The following PCDH19 variants were observed in gnomAD, a reference collection of about 807,000 sequenced individuals.
PCDH19 encodes the protein protocadherin-19.
In PCDH19, 6 loss-of-function variants were observed where a neutral mutation model predicts 46.2. The observed-to-expected ratio is 0.13, with a 90% CI of 0.07 to 0.26. The LOEUF (loss-of-function observed/expected upper bound fraction) is 0.26, where lower values mean the gene tolerates loss of function less well. PCDH19 is among the 10% of genes least tolerant of loss of function. The pLI, the probability that PCDH19 is intolerant of heterozygous loss-of-function variation, is 1.00. For synonymous variants in PCDH19, 481 were observed against 415.7 expected (o/e 1.16, Z -1.91); for missense variants, 740 against 972.3 (o/e 0.76, Z 3.18).
At chrX:100,314,352 C>T (rs1312576030) in intron 5 of PCDH19, among the ~76,000 whole-genome samples, 2 of 111,721 alleles carry the variant, frequency 1.8e-5, no homozygotes, top group Non-Finnish European at 3.8e-5. Flanking sequence ...AGATTGATAC[C>T]AAGAGCTTGC....
intron 2 of PCDH19, among the ~76,000 whole-genome samples, chrX:100,403,152 T>C (rs1928244951): frequency 9.0e-6 from 1 of 111,486 alleles, no homozygotes; most frequent in Non-Finnish European, 1.9e-5. Flanking sequence ...ACAGGGAAAG[T>C]TGAGCCTATG....
intron 3 of PCDH19, among the ~76,000 whole-genome samples, chrX:100,360,958 T>C (rs1926863234): frequency 8.9e-6 from 1 of 112,120 alleles, no homozygotes; most frequent in African/African-American, 3.2e-5. Flanking sequence ...CTTCTCATTT[T>C]ATTTGGGAAG....
intron 5 of PCDH19, among the ~76,000 whole-genome samples, chrX:100,299,002 T>C (rs2088883178): frequency 9.0e-6 from 1 of 111,558 alleles, no homozygotes; most frequent in Non-Finnish European, 1.9e-5. Context: ...ATAATACCTC[T>C]AAAAAATTAG....
intron 4 of PCDH19, among the ~76,000 whole-genome samples, chrX:100,348,527 C>G (rs1490235398): frequency 8.1e-5 from 9 of 111,351 alleles, no homozygotes; most frequent in African/African-American, 2.9e-4. Context: ...TGCATGTGTC[C>G]CTGAGTTTTC....
Position 100,407,477 on chromosome X carries a change from G to C in PCDH19, c.1121C>G (p.Ser374Cys). 8.3e-7 allele frequency: 1 copy of C among 1,211,845 alleles called. No homozygotes were observed. Among genetic ancestry groups the C allele is most frequent in the East Asian group, 3.0e-5 (1 of 33,843 alleles). ...TCCATTGAGGCCTGAGTCGCGATCA[G>C]ACACCCGCACCAAGGCGATCACGTA... Reference protein sequence around the residue: ...PGYVIALVRVSDRDSGLNGRV... With the variant: ...PGYVIALVRVCDRDSGLNGRV... The change falls in exon 1 of 6, where the codon TCT (serine) becomes TGT (cysteine). Residue 374 changes from serine (S) to cysteine (C), a missense_variant. Ser to Cys is a moderately radical substitution (Grantham distance 112). This residue lies in a region of PCDH19 where 186 missense variants were observed against 319.9 expected (regional missense o/e 0.58). Coordinates refer to ENST00000373034, the MANE Select transcript of PCDH19 (RefSeq NM_001184880.2).
chrX:100,324,033 T>TA (rs1925603033), intron 5 of PCDH19, among the ~76,000 whole-genome samples: 1 of 111,930 alleles, frequency 8.9e-6, no homozygotes, highest in Non-Finnish European at 1.9e-5. Flanking sequence ...CTTACAGTGT[T>TA]AAGAGTTTAA....
Position 100,373,708 on chromosome X carries a change from T to C in PCDH19, c.2617-23004A>G, listed in dbSNP as rs772866914. Among the ~76,000 whole-genome samples the C allele has an allele frequency of 6.3e-5, 7 of 110,996 alleles. 1 individual carries two copies. The highest frequency in any genetic ancestry group is 2.9e-4 in the Admixed American group (3 of 10,441). ...TTGGAAAACCTCAGAGGGGCAGAAA[T>C]GTGGGTGAGAAAAACTCAGAATTTC... On this transcript the variant is annotated intron_variant, in intron 3 of 5. Coordinates refer to ENST00000373034, the MANE Select transcript of PCDH19 (RefSeq NM_001184880.2).
At chrX:100,379,304 T>TACACAC (rs200896147) in intron 3 of PCDH19, among the ~76,000 whole-genome samples, 30 of 41,603 alleles carry the variant, frequency 7.2e-4, no homozygotes, top group African/African-American at 2.3e-3. Context: ...ATCTGTCACA[T>TACACAC]ACACACACAC....
In PCDH19 at chrX:100,408,120, T is replaced by C; in HGVS notation, c.478A>G (p.Ser160Gly). Residue 160 changes from serine to glycine, a missense_variant, in exon 1 of 6, where the codon AGC becomes GGC. Around this residue, in one of 5 missense-constraint regions of PCDH19, gnomAD observed 48 missense variants for 43.2 expected, o/e 1.11. Transcript: ENST00000373034. Reference protein sequence around the residue: ...LDSAYDPDSGSFGVQTYELTP... With the variant: ...LDSAYDPDSGGFGVQTYELTP... Reference sequence around the variant, plus strand: ...AGCTCGTAAGTCTGCACGCCAAAGCTTCCTGAGTCTGGATCGTAAGCGCTG... The same window carrying C: ...AGCTCGTAAGTCTGCACGCCAAAGCCTCCTGAGTCTGGATCGTAAGCGCTG... 1 of 1,211,274 alleles carries C rather than the reference T, an allele frequency of 8.3e-7. No individual in the cohort carries two copies. The highest frequency in any genetic ancestry group is 1.1e-6 in the Non-Finnish European group (1 of 895,632).
At chrX:100,403,463 CT>C in intron 2 of PCDH19, 60 bp downstream of exon 2, 1 of 1,156,496 alleles carries the variant, frequency 8.6e-7, no homozygotes, top group South Asian at 1.8e-5. Context: ...CCCCGACCCC[CT>C]CCTCTCCTAG....
At chrX:100,357,937 T>C (rs1484963516) in intron 3 of PCDH19, among the ~76,000 whole-genome samples, 1 of 112,070 alleles carries the variant, frequency 8.9e-6, no homozygotes, top group Non-Finnish European at 1.9e-5. Flanking sequence ...AGGCTACTTA[T>C]CACAATTAAG....
At chrX:100,354,269 C>A (rs1926650033) in intron 3 of PCDH19, among the ~76,000 whole-genome samples, 1 of 111,688 alleles carries the variant, frequency 9.0e-6, no homozygotes, top group South Asian at 3.8e-4. Flanking sequence ...ATCAGATCAT[C>A]CTGAAGAAGG....
chrX:100,357,614 A>C (rs1926755297), intron 3 of PCDH19, among the ~76,000 whole-genome samples: 1 of 112,089 alleles, frequency 8.9e-6, no homozygotes, highest in Non-Finnish European at 1.9e-5. Flanking sequence ...TTAAATCTAC[A>C]TGAAGTCCTT....
chrX:100,398,947 A>G (rs1409253361), intron 3 of PCDH19, among the ~76,000 whole-genome samples: 1 of 111,909 alleles, frequency 8.9e-6, no homozygotes, highest in Non-Finnish European at 1.9e-5. Context: ...TAAGAATGTA[A>G]CGTGCTCAGG....
Position 100,342,882 on chromosome X carries a change from TC to T in PCDH19, c.2676-808del, listed in dbSNP as rs1431707990. Among the ~76,000 whole-genome samples, 16 of 111,770 alleles carry T rather than the reference TC, an allele frequency of 1.4e-4. No homozygotes were observed. The South Asian group carries it at 6.0e-3, about 42-fold the overall frequency. ...AAGGTGTGATGTTTAATTTTGTGAG[TC>T]AACTTGACTGCACCATGGAATGCCC... is the stretch of plus-strand genomic sequence containing the variant. On this transcript the variant is annotated intron_variant, in intron 4 of 5. Coordinates refer to ENST00000373034, the MANE Select transcript of PCDH19 (RefSeq NM_001184880.2).
intron 4 of PCDH19, among the ~76,000 whole-genome samples, chrX:100,349,340 GA>G (rs1926505207): frequency 9.0e-6 from 1 of 111,241 alleles, no homozygotes; most frequent in East Asian, 2.8e-4. Context: ...TGTGACCCAG[GA>G]AAATATTCTA....
intron 3 of PCDH19, among the ~76,000 whole-genome samples, chrX:100,364,279 C>A (rs770051031): frequency 8.9e-6 from 1 of 112,033 alleles, no homozygotes; most frequent in Non-Finnish European, 1.9e-5. Flanking sequence ...TGGAGCCTGA[C>A]TGTGGGCTCA....
In PCDH19 at chrX:100,408,161, G is replaced by A; in HGVS notation, c.437C>T (p.Thr146Met). ...LEISEAASPG[T>M]RIPLDSAYDP... ...GTAAGCGCTGTCCAGCGGGATGCGC[G>A]TGCCAGGGCTGGCTGCCTCCGAGAT... The change falls in exon 1 of 6, where the codon ACG becomes ATG. Residue 146 changes from threonine (T) to methionine (M), a missense_variant. Thr to Met is a moderately conservative substitution (Grantham distance 81). Transcript: ENST00000373034. 8.3e-7 allele frequency: 1 copy of A among 1,212,010 alleles called. No homozygotes were observed. Among genetic ancestry groups the A allele is most frequent in the Non-Finnish European group, 1.1e-6 (1 of 895,589 alleles).
chrX:100,357,205 A>C (rs1290424976), intron 3 of PCDH19, among the ~76,000 whole-genome samples: 2 of 111,698 alleles, frequency 1.8e-5, no homozygotes, highest in Non-Finnish European at 3.8e-5. Context: ...ACAGGCATAT[A>C]CTTGTACGCA....
Sources: gnomAD v4.1 joint callset for allele counts (sites outside exome capture counted in the v4.1 genomes callset) on GRCh38, gnomAD v4.1.1 for gene constraint, gnomAD v4.1.1 regional missense constraint, MANE v1.5 for transcripts, NCBI Gene and HGNC (gene_info 2026-07-23, HGNC 2026-07-21) for gene names.